SLC28A3: variants seen among roughly 807,000 people sequenced by gnomAD.
SLC28A3 encodes the protein solute carrier family 28 member 3.
Under a neutral mutation model 84.2 loss-of-function variants are expected in SLC28A3, and 68 were observed. The observed-to-expected ratio is 0.81, with a 90% CI of 0.66 to 0.99. The LOEUF (loss-of-function observed/expected upper bound fraction) is 0.99, where lower values mean the gene tolerates loss of function less well. SLC28A3 is among the 50% of genes least tolerant of loss of function. The pLI, the probability that SLC28A3 is intolerant of heterozygous loss-of-function variation, is 0.00. For synonymous variants in SLC28A3, 267 were observed against 303.6 expected (o/e 0.88, Z 1.25); for missense variants, 712 against 841.5 (o/e 0.85, Z 1.90).
At chr9:84,283,420 T>C (rs915859208) in intron 14 of SLC28A3, among the ~76,000 whole-genome samples, 9 of 152,208 alleles carry the variant, frequency 5.9e-5, no homozygotes, top group Admixed American at 4.6e-4. Context: ...AATTACGGTG[T>C]GCTATACAAT....
chr9:84,296,261 G>T (rs1168093295), intron 8 of SLC28A3, among the ~76,000 whole-genome samples: 1 of 152,196 alleles, frequency 6.6e-6, no homozygotes, highest in African/African-American at 2.4e-5. Flanking sequence ...GCCAGGTAGA[G>T]GTTGCTGGGG....
chr9:84,352,635 A>G, the SLC28A3 span, among the ~76,000 whole-genome samples: 1 of 151,954 alleles, frequency 6.6e-6, no homozygotes, highest in Non-Finnish European at 1.5e-5. Context: ...CTGTAATCCC[A>G]GCACTTTGGG....
intron 5 of SLC28A3, among the ~76,000 whole-genome samples, chr9:84,300,551 A>C (rs1278785736): frequency 6.6e-6 from 1 of 152,228 alleles, no homozygotes; most frequent in Non-Finnish European, 1.5e-5. Context: ...GCAGAGCCAG[A>C]AAGCCTGCAG....
chr9:84,352,033 T>A, the SLC28A3 span, among the ~76,000 whole-genome samples: 1 of 152,164 alleles, frequency 6.6e-6, no homozygotes, highest in Admixed American at 6.5e-5. Flanking sequence ...AACAAAAAGT[T>A]ACAAAAAGAG....
chr9:84,302,628 T>C (rs1207384329), intron 4 of SLC28A3, among the ~76,000 whole-genome samples: 1 of 152,210 alleles, frequency 6.6e-6, no homozygotes, highest in East Asian at 1.9e-4. Context: ...GTATTTTTAT[T>C]CTTACAGGAC....
At chr9:84,344,235 G>GCTC (rs1827215227), upstream of SLC28A3, among the ~76,000 whole-genome samples, 1 of 146,462 alleles carries the variant, frequency 6.8e-6, no homozygotes, top group Middle Eastern at 3.5e-3. Context: ...TGTTGCCCAG[G>GCTC]CTGGAGTGCA....
upstream of SLC28A3, among the ~76,000 whole-genome samples, chr9:84,343,147 G>A (rs10119374): frequency 0.054 from 8,128 of 151,534 alleles, 445 homozygotes; most frequent in East Asian, 0.17. Context: ...TCACGCCACC[G>A]CACTCCAGAC....
chr9:84,312,992 C>A (rs576735195), intron 2 of SLC28A3, among the ~76,000 whole-genome samples: 2 of 152,152 alleles, frequency 1.3e-5, no homozygotes, highest in African/African-American at 2.4e-5. Flanking sequence ...CTAAGGAATG[C>A]GAGTGCATGA....
Position 84,275,725 on chromosome 9 carries a change from A to G in SLC28A3, c.*2493T>C, listed in dbSNP as rs549398327. ...TGAGGTTTCTGGGGGTAACAAGCTC[A>G]AGAGGCTTAACCAGCTCATTTTCCT... On this transcript the variant is annotated 3_prime_UTR_variant, in exon 18 of 18. Coordinates refer to ENST00000376238, the MANE Select transcript of SLC28A3 (RefSeq NM_001199633.2). 1 of 152,322 alleles carries G rather than the reference A, an allele frequency of 6.6e-6. No homozygotes were observed. Among genetic ancestry groups the G allele is most frequent in the East Asian group, 1.9e-4 (1 of 5,176 alleles). 9.4% of individuals were successfully genotyped at this position (152,322 alleles called of 1,614,324 possible).
intron 16 of SLC28A3, 54 bp from the exon 17 acceptor site, chr9:84,279,439 A>T (rs1243250983): frequency 8.2e-7 from 1 of 1,216,840 alleles, no homozygotes; most frequent in African/African-American, 1.6e-5. Flanking sequence ...TTATTTATGT[A>T]TTTATATATT....
chr9:84,281,004 T>C (rs117481772), intron 14 of SLC28A3, 122 bp from the exon 15 acceptor site: 27,036 of 876,656 alleles, frequency 0.031, 2,110 homozygotes, highest in East Asian at 0.26. Context: ...CAGTCCATGG[T>C]ATCAAATACC....
intron 8 of SLC28A3, among the ~76,000 whole-genome samples, chr9:84,295,885 A>G (rs916073424): frequency 6.6e-6 from 1 of 152,174 alleles, no homozygotes; most frequent in South Asian, 2.1e-4. Flanking sequence ...TTAATAATAT[A>G]TATTAAAAGA....
At chr9:84,280,173 A>AAT in intron 15 of SLC28A3, 100 bp from the exon 16 acceptor site, 5 of 964,730 alleles carry the variant, frequency 5.2e-6, no homozygotes, top group Non-Finnish European at 5.8e-6. Flanking sequence ...AGGTCAGCTG[A>AAT]CTTTTTTTTT....
the SLC28A3 span, among the ~76,000 whole-genome samples, chr9:84,358,948 G>T: frequency 6.6e-6 from 1 of 152,064 alleles, no homozygotes. Flanking sequence ...GACCACAAGC[G>T]AGCACCACCA....
At chr9:84,279,135 T>C (rs1483624633) in intron 17 of SLC28A3, 130 bp downstream of exon 17, 4 of 821,274 alleles carry the variant, frequency 4.9e-6, no homozygotes, top group African/African-American at 1.9e-5. Flanking sequence ...ATTGCGCCAC[T>C]GCACTCCAGC....
the SLC28A3 span, among the ~76,000 whole-genome samples, chr9:84,354,613 T>C: frequency 6.6e-6 from 1 of 152,248 alleles, no homozygotes; most frequent in Admixed American, 6.5e-5. Context: ...TTTAGGAGGC[T>C]GCGGCAGGCA....
At chr9:84,289,544 T>C (rs1190601340) in intron 11 of SLC28A3, among the ~76,000 whole-genome samples, 1 of 152,256 alleles carries the variant, frequency 6.6e-6, no homozygotes, top group East Asian at 1.9e-4. Context: ...GGAACTGTAG[T>C]TTAATTACTC....
chr9:84,307,398 T>C (rs1174803532), intron 3 of SLC28A3, among the ~76,000 whole-genome samples: 2 of 136,170 alleles, frequency 1.5e-5, no homozygotes, highest in South Asian at 4.5e-4. Context: ...GCCATTGGAT[T>C]CCAGCCTGGG....
At chr9:84,302,949 C>T (rs531568202) in intron 4 of SLC28A3, among the ~76,000 whole-genome samples, 2 of 152,268 alleles carry the variant, frequency 1.3e-5, no homozygotes, top group South Asian at 4.2e-4. Context: ...ATAAGGTTTC[C>T]TATTCTTAAA....
Sources: gnomAD v4.1 joint callset for allele counts (sites outside exome capture counted in the v4.1 genomes callset) on GRCh38, gnomAD v4.1.1 for gene constraint, MANE v1.5 for transcripts, NCBI Gene and HGNC (gene_info 2026-07-23, HGNC 2026-07-21) for gene names.